Variants in RNF43 observed in about 807,000 individuals in gnomAD.
The protein encoded by RNF43 is ring finger protein 43, also known as E3 ubiquitin-protein ligase RNF43.
In RNF43, 37 loss-of-function variants were observed where a neutral mutation model predicts 78.4. The ratio of observed to expected loss-of-function variants is 0.47; its 90% confidence interval spans 0.36 to 0.62. RNF43 has a LOEUF of 0.62. RNF43 is among the 20% of genes least tolerant of loss of function. The probability of loss-of-function intolerance (pLI) is 0.00; values close to 1 mark genes in which losing one functional copy is unlikely to be tolerated. For synonymous variants in RNF43, 347 were observed against 395.0 expected (o/e 0.88, Z 1.44); for missense variants, 774 against 1,007.9 (o/e 0.77, Z 3.14).
chr17:58,397,813 G>A (rs1333523007), intron 2 of RNF43, among the ~76,000 whole-genome samples: 1 of 152,106 alleles, frequency 6.6e-6, no homozygotes, highest in Non-Finnish European at 1.5e-5. Flanking sequence ...TTCATCTCTT[G>A]AAACTGCTTG....
At chr17:58,375,686 G>A (rs140236648) in intron 2 of RNF43, among the ~76,000 whole-genome samples, 1,697 of 152,260 alleles carry the variant, frequency 0.011, 26 homozygotes, top group Non-Finnish European at 0.014. Context: ...TTAGAGAGGG[G>A]GTAGTAGAGA....
chr17:58,367,352 A>C (rs1211226433), intron 3 of RNF43, among the ~76,000 whole-genome samples: 3 of 152,044 alleles, frequency 2.0e-5, no homozygotes, highest in African/African-American at 7.2e-5. Context: ...ATGTGATTTC[A>C]TTTACTCCTC....
In RNF43 at chr17:58,357,598, C is replaced by T; in HGVS notation, c.2178G>A (p.Trp726Ter). 1 of 1,613,946 alleles carries T rather than the reference C, an allele frequency of 6.2e-7. No individual in the cohort carries two copies. Among genetic ancestry groups the T allele is most frequent in the East Asian group, 2.2e-5 (1 of 44,856 alleles). ...GPCYSNSQPV[W>*]LCLTPRQPLE... ...GGGGCTGGCGAGGAGTCAGGCACAA[C>T]CACACTGGCTGTGAATTTGAGTAAC... Residue 726 changes from tryptophan to a stop codon, truncating the protein, a stop_gained, in exon 9 of 10, where the codon TGG (tryptophan) becomes TGA (stop). Transcript: ENST00000407977. LOFTEE classifies it high-confidence loss of function. The surrounding 1 kb of genome is among the most constrained non-coding windows in gnomAD (Gnocchi z 4.5).
At chr17:58,367,199 C>T (rs960236577) in intron 3 of RNF43, among the ~76,000 whole-genome samples, 10 of 151,990 alleles carry the variant, frequency 6.6e-5, no homozygotes, top group African/African-American at 2.4e-4. Context: ...TGAGGTTTCA[C>T]CATGTTGGCC....
intron 2 of RNF43, among the ~76,000 whole-genome samples, chr17:58,375,484 G>C (rs866680869): frequency 6.6e-6 from 1 of 152,078 alleles, no homozygotes; most frequent in African/African-American, 2.4e-5. Flanking sequence ...TGTAATTGTC[G>C]GCTTACTTCC....
At chr17:58,391,176 T>C (rs879365336) in intron 2 of RNF43, among the ~76,000 whole-genome samples, 3 of 152,208 alleles carry the variant, frequency 2.0e-5, no homozygotes, top group Non-Finnish European at 2.9e-5. Context: ...TTAGAAAGAT[T>C]GTGAAGCAGT....
chr17:58,383,793 C>A (rs1026689901), intron 2 of RNF43, among the ~76,000 whole-genome samples: 2 of 152,002 alleles, frequency 1.3e-5, no homozygotes, highest in Non-Finnish European at 2.9e-5. Flanking sequence ...AATTTTTGTA[C>A]TTTTAGTAGA....
intron 2 of RNF43, among the ~76,000 whole-genome samples, chr17:58,381,110 G>C (rs769350583): frequency 6.6e-6 from 1 of 152,190 alleles, no homozygotes; most frequent in Non-Finnish European, 1.5e-5. Context: ...ATGGAGGATG[G>C]GTCTGGGGTT....
In RNF43 at chr17:58,358,050, G is replaced by T. The variant is rs775712558; in HGVS notation, c.1726C>A (p.Pro576Thr). Reference protein sequence around the residue: ...GRKPGPETGVPQSRPPIPRTQ... With the variant: ...GRKPGPETGVTQSRPPIPRTQ... ...CGAGGAATAGGAGGCCTGGACTGGG[G>T]GACTCCGGTTTCTGGGCCAGGCTTC... The change falls in exon 9 of 10, where the codon CCC (proline) becomes ACC (threonine). Residue 576 changes from proline (P) to threonine (T), a missense_variant. Pro to Thr is a conservative substitution (Grantham distance 38, BLOSUM62 -1). Transcript: ENST00000407977. The surrounding 1 kb of genome is among the most constrained non-coding windows in gnomAD (Gnocchi z 6.2). The T allele has an allele frequency of 6.3e-7, 1 of 1,590,778 alleles. No homozygotes were observed. Among genetic ancestry groups the T allele is most frequent in the Non-Finnish European group, 8.6e-7 (1 of 1,168,888 alleles).
At position 58,360,242 on chromosome 17, in the gene RNF43, C is replaced by T. The variant is rs770023953; in HGVS notation, c.859G>A (p.Val287Ile). ...TGGAACTCATGGAGGCAGGAAATGACCCGTAGCTCCTGGAGAAAAAGAGGG... is the reference window on the plus strand; with the variant it reads ...TGGAACTCATGGAGGCAGGAAATGATCCGTAGCTCCTGGAGAAAAAGAGGG... ...EEFSEGQELR[V>I]ISCLHEFHRN... Residue 287 changes from valine (V) to isoleucine (I), a missense_variant, in exon 8 of 10, where the codon GTC (valine) becomes ATC (isoleucine). Transcript: ENST00000407977. The surrounding 1 kb of genome is among the most constrained non-coding windows in gnomAD (Gnocchi z 4.3). The T allele has an allele frequency of 6.2e-7, 1 of 1,613,836 alleles. No homozygotes were observed. Among genetic ancestry groups the T allele is most frequent in the South Asian group, 1.1e-5 (1 of 91,068 alleles).
At chr17:58,402,587 A>G (rs574212702) in intron 2 of RNF43, 11 of 152,350 alleles carry the variant, frequency 7.2e-5, no homozygotes, top group Admixed American at 6.5e-4. Flanking sequence ...ACAATGCCCT[A>G]TAAATGCCCC....
intron 9 of RNF43, 147 bp from the exon 10 acceptor site, chr17:58,355,133 A>C (rs1598123245): frequency 1.3e-6 from 1 of 757,590 alleles, no homozygotes; most frequent in African/African-American, 1.7e-5. Flanking sequence ...ATTGAAAGCT[A>C]AGGGGGCCCC....
chr17:58,391,522 A>G (rs1973558963), intron 2 of RNF43, among the ~76,000 whole-genome samples: 1 of 152,140 alleles, frequency 6.6e-6, no homozygotes, highest in African/African-American at 2.4e-5. Context: ...GGCTCCAGTC[A>G]CCACAGTGGG....
chr17:58,356,711 G>GT (rs1436473329), intron 9 of RNF43, among the ~76,000 whole-genome samples: 1 of 151,660 alleles, frequency 6.6e-6, no homozygotes, highest in Admixed American at 6.6e-5. Context: ...ATATAGCCTC[G>GT]TATTATGGTT....
At chr17:58,399,814 G>C (rs1049980131) in intron 2 of RNF43, among the ~76,000 whole-genome samples, 1 of 151,964 alleles carries the variant, frequency 6.6e-6, no homozygotes, top group East Asian at 1.9e-4. Flanking sequence ...GCTAATTTTT[G>C]TATTTTTAGT....
At chr17:58,408,991 T>TA (rs1973970653) in intron 2 of RNF43, among the ~76,000 whole-genome samples, 2 of 152,088 alleles carry the variant, frequency 1.3e-5, no homozygotes, top group Admixed American at 6.5e-5. Context: ...GCCACGTCAA[T>TA]AATTCTGTAA....
intron 2 of RNF43, among the ~76,000 whole-genome samples, chr17:58,408,210 C>T (rs1005920564): frequency 6.6e-6 from 1 of 152,154 alleles, no homozygotes; most frequent in Non-Finnish European, 1.5e-5. Context: ...AGGATAGTTG[C>T]TTTTCATCTG....
rs1421529578 is a variant in RNF43 at position 58,354,803 on chromosome 17, T to G, written c.*140A>C. ...TCTCACCCTCCACCATCACCAGTCC[T>G]CTTCCAGTGCTTCTAGGAAGTACGG... On this transcript the variant is annotated 3_prime_UTR_variant, in exon 10 of 10. Coordinates refer to ENST00000407977, the MANE Select transcript of RNF43 (RefSeq NM_017763.6). 1.3e-6 allele frequency: 1 copy of G among 780,108 alleles called. No homozygotes were observed. The highest frequency in any genetic ancestry group is 2.2e-6 in the Non-Finnish European group (1 of 448,242). The allele number at this position is 780,108 out of a possible 1,614,324, so 48.3% of individuals were successfully genotyped here. A position where few individuals can be genotyped will look rare whatever the true frequency, so the allele number is the denominator to read the frequency against.
Position 58,359,194 on chromosome 17 carries a change from G to A in RNF43, c.953-371C>T, listed in dbSNP as rs193079610. On this transcript the variant is annotated intron_variant, in intron 8 of 9. Coordinates refer to ENST00000407977, the MANE Select transcript of RNF43 (RefSeq NM_017763.6). ...AAAATTATGTTAACATACTGATTTT[G>A]TTAGAATAGAATATTTTATTGCCAG... Among the ~76,000 whole-genome samples the A allele has an allele frequency of 8.8e-4, 134 of 152,264 alleles. 1 individual carries two copies. Among genetic ancestry groups the A allele is most frequent in the African/African-American group, 3.1e-3 (129 of 41,538 alleles).
Sources: allele counts gnomAD v4.1 joint callset (sites outside exome capture counted in the v4.1 genomes callset), GRCh38; gene constraint gnomAD v4.1.1; non-coding constraint Gnocchi (gnomAD v3.1); transcripts MANE v1.5; gene names NCBI Gene and HGNC (gene_info 2026-07-23, HGNC 2026-07-21).